Variants in SSBP2 observed in about 807,000 individuals in gnomAD.
SSBP2 encodes the protein single-stranded DNA-binding protein 2.
A neutral mutation model predicts 61.8 loss-of-function variants in SSBP2; 17 were observed. The observed-to-expected ratio is 0.28, with a 90% confidence interval of 0.19 to 0.41. The LOEUF is 0.41. SSBP2 is among the 10% of genes least tolerant of loss of function. SSBP2 has a pLI of 1.00. For synonymous variants in SSBP2, 139 were observed against 141.3 expected, an observed-to-expected ratio of 0.98 and a Z score of 0.12; for missense variants, 310 against 458.7, an observed-to-expected ratio of 0.68 and a Z score of 2.96.
In SSBP2 at chr5:81,489,270, G is replaced by A. The variant is rs1450528452; in HGVS notation, c.412C>T (p.Pro138Ser). 2.5e-6 allele frequency: 4 copies of A among 1,608,030 alleles called. No homozygotes were observed. Among genetic ancestry groups the A allele is most frequent in the African/African-American group, 1.3e-5 (1 of 74,402 alleles). Residue 138 changes from proline (P) to serine (S), a missense_variant, in exon 6 of 17, where the codon CCA becomes TCA. Pro to Ser is a moderately conservative substitution (Grantham distance 74). Transcript: ENST00000320672. ...CTTACCTGATTAGGTATCCTCAATG[G>A]GGGCCTTGGACCTCCAGGGTACCGA...
At chr5:81,726,636 A>G (rs1339782952) in intron 1 of SSBP2, among the ~76,000 whole-genome samples, 4 of 152,072 alleles carry the variant, frequency 2.6e-5, no homozygotes, top group Non-Finnish European at 4.4e-5. Flanking sequence ...TAGTTTATAT[A>G]CCCCCAATCA....
intron 4 of SSBP2, among the ~76,000 whole-genome samples, chr5:81,549,300 T>G (rs1771996037): frequency 6.6e-6 from 1 of 152,216 alleles, no homozygotes. Flanking sequence ...CGCCTTGCTC[T>G]GACAATGTTG....
intron 5 of SSBP2, among the ~76,000 whole-genome samples, chr5:81,507,035 T>A (rs1451196729): frequency 2.0e-5 from 3 of 152,136 alleles, no homozygotes; most frequent in Admixed American, 6.5e-5. Context: ...TTACTATTTT[T>A]TTTTCTTATT....
At chr5:81,582,041 T>C (rs1774690524) in intron 4 of SSBP2, among the ~76,000 whole-genome samples, 1 of 152,288 alleles carries the variant, frequency 6.6e-6, no homozygotes, top group Admixed American at 6.5e-5. Context: ...TTTAACAAAC[T>C]GAGCCTTAAA....
At chr5:81,660,273 G>A (rs1023028035) in intron 1 of SSBP2, among the ~76,000 whole-genome samples, 2 of 152,098 alleles carry the variant, frequency 1.3e-5, no homozygotes, top group Non-Finnish European at 2.9e-5. Flanking sequence ...CTACCCATCT[G>A]ACAAAGGTCT....
At chr5:81,738,672 G>A (rs1756788311) in intron 1 of SSBP2, among the ~76,000 whole-genome samples, 1 of 152,098 alleles carries the variant, frequency 6.6e-6, no homozygotes, top group African/African-American at 2.4e-5. Flanking sequence ...TTCACACTTA[G>A]GCCACCAAGT....
intron 1 of SSBP2, among the ~76,000 whole-genome samples, chr5:81,684,289 G>T (rs1752610457): frequency 6.6e-6 from 1 of 152,158 alleles, no homozygotes; most frequent in African/African-American, 2.4e-5. Context: ...AGTTGGTCAT[G>T]TAAAGACACA....
At chr5:81,675,310 C>A (rs1303063424) in intron 1 of SSBP2, among the ~76,000 whole-genome samples, 1 of 152,126 alleles carries the variant, frequency 6.6e-6, no homozygotes, top group African/African-American at 2.4e-5. Context: ...AAACTGGGTA[C>A]ATTCACTTGC....
intron 2 of SSBP2, among the ~76,000 whole-genome samples, chr5:81,647,374 C>G (rs907386263): frequency 2.0e-5 from 3 of 152,068 alleles, no homozygotes; most frequent in Non-Finnish European, 2.9e-5. Flanking sequence ...TTTCCAGATA[C>G]ATGGCATACT....
intron 4 of SSBP2, among the ~76,000 whole-genome samples, chr5:81,582,286 A>T (rs896940508): frequency 5.9e-5 from 9 of 152,174 alleles, no homozygotes; most frequent in African/African-American, 1.4e-4. Flanking sequence ...TATGAAATTC[A>T]TGCTTTTAAG....
intron 4 of SSBP2, among the ~76,000 whole-genome samples, chr5:81,549,616 G>A (rs940908063): frequency 2.6e-5 from 4 of 152,188 alleles, no homozygotes; most frequent in African/African-American, 9.7e-5. Flanking sequence ...CTATAATGGT[G>A]TGTGGTAGTA....
chr5:81,542,635 T>G (rs529740696), intron 4 of SSBP2, among the ~76,000 whole-genome samples: 140 of 80,162 alleles, frequency 1.7e-3, no homozygotes, highest in African/African-American at 4.6e-3. Context: ...AAAGTCATGG[T>G]GATATGGTTT....
intron 4 of SSBP2, among the ~76,000 whole-genome samples, chr5:81,578,098 C>A (rs559460148): frequency 6.6e-6 from 1 of 152,084 alleles, no homozygotes; most frequent in East Asian, 1.9e-4. Flanking sequence ...AGAGCAAAAG[C>A]ACACTCACAA....
intron 5 of SSBP2, among the ~76,000 whole-genome samples, chr5:81,500,296 C>T (rs1167560070): frequency 6.6e-6 from 1 of 152,078 alleles, no homozygotes. Flanking sequence ...TCACTACAAC[C>T]TCCGCCTCCC....
intron 1 of SSBP2, among the ~76,000 whole-genome samples, chr5:81,747,411 A>G (rs1757426975): frequency 6.6e-6 from 1 of 152,152 alleles, no homozygotes; most frequent in African/African-American, 2.4e-5. Context: ...TGGAGGAAAA[A>G]AAAAGCAACT....
chr5:81,553,876 T>C (rs1772395210), intron 4 of SSBP2, among the ~76,000 whole-genome samples: 1 of 152,130 alleles, frequency 6.6e-6, no homozygotes, highest in East Asian at 1.9e-4. Flanking sequence ...TTTCCTGCTT[T>C]CTTTCCCTCC....
upstream of SSBP2, among the ~76,000 whole-genome samples, chr5:81,751,513 T>C (rs1440692846): frequency 3.3e-5 from 5 of 151,402 alleles, no homozygotes; most frequent in East Asian, 5.9e-4. Context: ...CGGCCTGGAG[T>C]CTCCGGCCGG....
chr5:81,523,843 G>A (rs1474251657), intron 4 of SSBP2, among the ~76,000 whole-genome samples: 1 of 151,932 alleles, frequency 6.6e-6, no homozygotes, highest in Admixed American at 6.6e-5. Context: ...ACCTTAAAGA[G>A]CATTTCGAAA....
At chr5:81,453,426 T>A (rs1456320943) in intron 10 of SSBP2, among the ~76,000 whole-genome samples, 1 of 151,168 alleles carries the variant, frequency 6.6e-6, no homozygotes, top group African/African-American at 2.4e-5. Flanking sequence ...GCAGATGCAG[T>A]GATTAGGAAA....
Sources: allele counts gnomAD v4.1 joint callset (sites outside exome capture counted in the v4.1 genomes callset), GRCh38; gene constraint gnomAD v4.1.1; transcripts MANE v1.5; gene names NCBI Gene and HGNC (gene_info 2026-07-23, HGNC 2026-07-21).